The following RELL2 variants were observed in gnomAD, a reference collection of about 807,000 sequenced individuals.
RELL2 encodes the protein RELT-like protein 2.
A neutral mutation model predicts 27.5 loss-of-function variants in RELL2; 18 were observed. That is an observed-to-expected ratio of 0.65 (90% CI 0.45 to 0.97). The LOEUF is 0.97. Ranked by LOEUF, RELL2 falls within the 50% of genes least tolerant of loss-of-function variation. The probability of loss-of-function intolerance (pLI) is 0.00; values close to 1 mark genes in which losing one functional copy is unlikely to be tolerated. For synonymous variants in RELL2, 156 were observed against 147.5 expected (o/e 1.06, Z -0.42); for missense variants, 370 against 397.5 (o/e 0.93, Z 0.59).
rs765970520 is a variant in RELL2 at position 141,639,437 on chromosome 5, C to T, written c.318-27C>T. ...CATGAAGGGAAATGGAAATGTTACCCTCACTCCCCTCCTCCCTGCTGTCCA... is the reference window on the plus strand; with the variant it reads ...CATGAAGGGAAATGGAAATGTTACCTTCACTCCCCTCCTCCCTGCTGTCCA... On this transcript the variant is annotated intron_variant, in intron 3 of 6. Transcript: ENST00000297164. This position sits in a 1 kb window ranked among gnomAD's most constrained non-coding sequence, Gnocchi z 4.4. The T allele has an allele frequency of 6.4e-7, 1 of 1,561,938 alleles. No homozygotes were observed. Among genetic ancestry groups the T allele is most frequent in the South Asian group, 1.1e-5 (1 of 87,326 alleles).
In RELL2 at chr5:141,638,125, T is replaced by C. The variant is rs1455780157; in HGVS notation, c.-101T>C. ...CAGCCGGACGTCTTAGACGTGCTTG[T>C]TTCAGATCCTGAGGACGGCATTCCT... is the stretch of plus-strand genomic sequence containing the variant. On this transcript the variant is annotated 5_prime_UTR_variant, in exon 1 of 7. Transcript: ENST00000297164. 3.8e-5 allele frequency: 29 copies of C among 761,076 alleles called. No individual in the cohort carries two copies. In the East Asian group the frequency reaches 6.9e-4, roughly 18 times the overall value. The allele number at this position is 761,076 out of a possible 1,614,324, so 47.1% of individuals were successfully genotyped here.
At position 141,640,045 on chromosome 5, in the gene RELL2, G is replaced by C. The variant is rs1240873689; in HGVS notation, c.629G>C (p.Gly210Ala). The C allele has an allele frequency of 6.2e-7, 1 of 1,613,524 alleles. No individual in the cohort carries two copies. ...DPGGGQGSGG[G>A]QPKAGMPAME... ...GGGGGTGGTCAGGGGTCTGGGGGAG[G>C]GCAGCCCAAGGCAGGGATGCCTGCC... is the stretch of plus-strand genomic sequence containing the variant. The change falls in exon 5 of 7, where the codon GGG (glycine) becomes GCG (alanine). Residue 210 changes from glycine to alanine, a missense_variant. Transcript: ENST00000297164.
In RELL2 at chr5:141,640,051, C is replaced by A. The variant is rs2099906657; in HGVS notation, c.635C>A (p.Pro212His). 6.2e-7 allele frequency: 1 copy of A among 1,613,446 alleles called. No homozygotes were observed. The highest frequency in any genetic ancestry group is 2.2e-5 in the East Asian group (1 of 44,870). ...GGGQGSGGGQ[P>H]KAGMPAMERL... ...GGTCAGGGGTCTGGGGGAGGGCAGC[C>A]CAAGGCAGGGATGCCTGCCATGGAG... The change falls in exon 5 of 7, where the codon CCC (proline) becomes CAC (histidine). Residue 212 changes from proline (P) to histidine (H), a missense_variant. Pro to His is a moderately conservative substitution (Grantham distance 77, BLOSUM62 -2). Coordinates refer to ENST00000297164, the MANE Select transcript of RELL2 (RefSeq NM_173828.5).
In RELL2 at chr5:141,638,335, A is replaced by G. The variant is rs1234662904; in HGVS notation, c.110A>G (p.His37Arg). 1 of 1,613,926 alleles carries G rather than the reference A, an allele frequency of 6.2e-7. No homozygotes were observed. Among genetic ancestry groups the G allele is most frequent in the South Asian group, 1.1e-5 (1 of 91,068 alleles). The change falls in exon 1 of 7, where the codon CAC (histidine) becomes CGC (arginine). Residue 37 changes from histidine (H) to arginine (R), a missense_variant. Transcript: ENST00000297164. ...GGCCTGGTAGGCTTCATGATCTGCC[A>G]CGTGCTCAAGAAGAAGGGCTACCGC... ...LMGLVGFMIC[H>R]VLKKKGYRCR...
rs756888862 is a variant in RELL2, at chr5:141,638,811, G to C, written c.201G>C (p.Met67Ile). The C allele has an allele frequency of 6.2e-7, 1 of 1,614,164 alleles. No homozygotes were observed. ...AQLQPPEDDD[M>I]NEDTVERIVR... The stretch of plus-strand genomic sequence containing the variant: ...ATCCTTCAGCTGAGGACGATGACAT[G>C]AATGAGGACACAGTAGAGAGGATTG... The change falls in exon 2 of 7, where the codon ATG (methionine) becomes ATC (isoleucine). Residue 67 changes from methionine to isoleucine, a missense_variant. By Grantham distance (10) the Met-to-Ile change is conservative. Coordinates refer to ENST00000297164, the MANE Select transcript of RELL2 (RefSeq NM_173828.5).
rs41098 is a variant in RELL2, at chr5:141,640,533, C to A, written c.*1+88C>A. 351,960 of 1,601,820 alleles carry A rather than the reference C, an allele frequency of 0.22. 41,462 individuals are homozygous for A. Among genetic ancestry groups the A allele is most frequent in the African/African-American group, 0.4 (29,965 of 74,728 alleles). ...AAGCCTTTCGGCTCCCTGAACCCCC[C>A]GAGTAAACTGCAGGCTTAGCCTTTG... On this transcript the variant is annotated intron_variant, in intron 6 of 6. Coordinates refer to ENST00000297164, the MANE Select transcript of RELL2 (RefSeq NM_173828.5).
In RELL2 at chr5:141,638,155, C is replaced by A; in HGVS notation, c.-71C>A. On this transcript the variant is annotated 5_prime_UTR_variant, in exon 1 of 7. Transcript: ENST00000297164. ...GATCCTGAGGACGGCATTCCTACCC[C>A]TCCCCCATTCCCAGCTGCAGCCCCC... 1.0e-6 allele frequency: 1 copy of A among 953,428 alleles called. No individual in the cohort carries two copies. The highest frequency in any genetic ancestry group is 2.4e-5 in the East Asian group (1 of 41,706). The allele number at this position is 953,428 out of a possible 1,614,324, so 59.1% of individuals were successfully genotyped here. A position where few individuals can be genotyped will look rare whatever the true frequency, so the allele number is the denominator to read the frequency against.
chr5:141,639,239 C>T lies in RELL2; in HGVS notation c.317+218C>T, dbSNP rs921463703. 1.5e-5 allele frequency: 9 copies of T among 611,282 alleles called. No individual in the cohort carries two copies. The highest frequency in any genetic ancestry group is 2.3e-5 in the Non-Finnish European group (8 of 348,820). The allele number at this position is 611,282 out of a possible 1,614,324, so 37.9% of individuals were successfully genotyped here. A position where few individuals can be genotyped will look rare whatever the true frequency, so the allele number is the denominator to read the frequency against. ...AGCCTAACATTCACCTCTAGTGCCA[C>T]TCCTTTGGGTTAAGCAGTGTTCTTT... is the stretch of plus-strand genomic sequence containing the variant. On this transcript the variant is annotated intron_variant, in intron 3 of 6. Transcript: ENST00000297164. This position sits in a 1 kb window ranked among gnomAD's most constrained non-coding sequence, Gnocchi z 4.4.
intron 1 of RELL2, 79 bp downstream of exon 1, chr5:141,638,488 C>T: frequency 7.3e-7 from 1 of 1,374,422 alleles, no homozygotes; most frequent in East Asian, 2.3e-5. Context: ...ACCAACAGAC[C>T]CAGGCCAAAT....
In RELL2 at chr5:141,640,837, C is replaced by T; in HGVS notation, c.*168C>T. The T allele has an allele frequency of 3.1e-6, 2 of 640,296 alleles. No homozygotes were observed. The highest frequency in any genetic ancestry group is 1.8e-5 in the African/African-American group (1 of 54,654). The allele number at this position is 640,296 out of a possible 1,614,324, so 39.7% of individuals were successfully genotyped here. ...TGGGGGCCTCAGGAGAGGTCACAGCCCCTCAGTCTCTTCTCCTTCCCCTGC... is the reference window on the plus strand; with the variant it reads ...TGGGGGCCTCAGGAGAGGTCACAGCTCCTCAGTCTCTTCTCCTTCCCCTGC... On this transcript the variant is annotated 3_prime_UTR_variant, in exon 7 of 7. Coordinates refer to ENST00000297164, the MANE Select transcript of RELL2 (RefSeq NM_173828.5).
chr5:141,640,453 T>G lies in RELL2; in HGVS notation c.*1+8T>G. ...GAGCAGGGAGTATGTGAGGTGAGTC[T>G]GCCTGAGCCCTAAATGAGGTAATCT... On this transcript the variant is annotated splice_region_variant and intron_variant, in intron 6 of 6. Transcript: ENST00000297164. 2 of 1,614,184 alleles carry G rather than the reference T, an allele frequency of 1.2e-6. No individual in the cohort carries two copies. Among genetic ancestry groups the G allele is most frequent in the Non-Finnish European group, 1.7e-6 (2 of 1,180,010 alleles).
intron 6 of RELL2, 110 bp from the exon 7 acceptor site, chr5:141,640,561 A>G (rs2099906741): frequency 1.3e-6 from 2 of 1,569,588 alleles, no homozygotes; most frequent in Non-Finnish European, 8.7e-7. Context: ...AGCCTTTGCT[A>G]TAAATCCCTT....
rs958071851 is a variant in RELL2, at chr5:141,640,901, G to A, written c.*232G>A. ...CCTGCCCCGCCTTCCCCAACACCTC[G>A]CTCCATATGATAGAGCGTGGCAGCT... On this transcript the variant is annotated 3_prime_UTR_variant, in exon 7 of 7. Transcript: ENST00000297164. The A allele has an allele frequency of 3.8e-5, 22 of 579,346 alleles. No individual in the cohort carries two copies. The highest frequency in any genetic ancestry group is 1.1e-4 in the African/African-American group (6 of 53,524). The allele number at this position is 579,346 out of a possible 1,614,324, so 35.9% of individuals were successfully genotyped here.
chr5:141,639,205 A>T lies in RELL2; in HGVS notation c.317+184A>T. 2 of 625,668 alleles carry T rather than the reference A, an allele frequency of 3.2e-6. No individual in the cohort carries two copies. Among genetic ancestry groups the T allele is most frequent in the South Asian group, 2.0e-5 (1 of 50,654 alleles). The allele number at this position is 625,668 out of a possible 1,614,324, so 38.8% of individuals were successfully genotyped here. A position where few individuals can be genotyped will look rare whatever the true frequency, so the allele number is the denominator to read the frequency against. On this transcript the variant is annotated intron_variant, in intron 3 of 6. Coordinates refer to ENST00000297164, the MANE Select transcript of RELL2 (RefSeq NM_173828.5). The surrounding 1 kb of genome is among the most constrained non-coding windows in gnomAD (Gnocchi z 4.4). ...CCTTCAAACCATCTCTCTCATCTAG[A>T]TATCATCAAGCCTAACATTCACCTC... is the stretch of plus-strand genomic sequence containing the variant.
In RELL2 at chr5:141,639,738, C is replaced by T; in HGVS notation, c.503+89C>T. On this transcript the variant is annotated intron_variant, in intron 4 of 6. Coordinates refer to ENST00000297164, the MANE Select transcript of RELL2 (RefSeq NM_173828.5). The surrounding 1 kb of genome is among the most constrained non-coding windows in gnomAD (Gnocchi z 4.4). ...CCCAAAAGTGGGCCTTGGCTCTTTC[C>T]TCCTGGACTGGGAGCTCCGGCAGAA... 1 of 1,388,200 alleles carries T rather than the reference C, an allele frequency of 7.2e-7. No homozygotes were observed. The highest frequency in any genetic ancestry group is 9.9e-7 in the Non-Finnish European group (1 of 1,009,710). 86.0% of individuals were successfully genotyped at this position (1,388,200 alleles called of 1,614,324 possible).
chr5:141,638,892 C>A, intron 2 of RELL2, 32 bp downstream of exon 2: 1 of 1,612,894 alleles, frequency 6.2e-7, no homozygotes. Flanking sequence ...GCTCCCTCTT[C>A]TCCAACCTTC....
chr5:141,640,461 C>A lies in RELL2; in HGVS notation c.*1+16C>A. The A allele has an allele frequency of 6.2e-7, 1 of 1,614,056 alleles. No individual in the cohort carries two copies. The highest frequency in any genetic ancestry group is 8.5e-7 in the Non-Finnish European group (1 of 1,179,954). On this transcript the variant is annotated intron_variant, in intron 6 of 6. Transcript: ENST00000297164. ...AGTATGTGAGGTGAGTCTGCCTGAG[C>A]CCTAAATGAGGTAATCTCATCTTCC...
At position 141,639,052 on chromosome 5, in the gene RELL2, A is replaced by C. The variant is rs764534520; in HGVS notation, c.317+31A>C. 1.6e-5 allele frequency: 26 copies of C among 1,594,766 alleles called. No homozygotes were observed. The Admixed American group carries it at 3.4e-4, about 21-fold the overall frequency. ...CTGGAAACAAGGGCCAGCATGACTT[A>C]GCTTGCCTTGGAGAGTATCCTCTCC... On this transcript the variant is annotated intron_variant, in intron 3 of 6. Coordinates refer to ENST00000297164, the MANE Select transcript of RELL2 (RefSeq NM_173828.5). This position sits in a 1 kb window ranked among gnomAD's most constrained non-coding sequence, Gnocchi z 4.4.
chr5:141,640,414 GTC>G lies in RELL2; in HGVS notation c.886_887del (p.Leu296ThrfsTer89). The G allele has an allele frequency of 6.2e-7, 1 of 1,614,176 alleles. No individual in the cohort carries two copies. Among genetic ancestry groups the G allele is most frequent in the Non-Finnish European group, 8.5e-7 (1 of 1,180,020 alleles). On this transcript the variant is annotated frameshift_variant, in exon 6 of 7. Coordinates refer to ENST00000297164, the MANE Select transcript of RELL2 (RefSeq NM_173828.5). LOFTEE classifies it high-confidence loss of function. ...TTGACCCCTCCCCTTTCTCTCAGGT[GTC>G]TCTACCACAGGGAGCAGGGAGTATG... ...SKPDTSDHQV[S>X]LPQGAGSM
Sources: gnomAD v4.1 joint callset for allele counts on GRCh38, gnomAD v4.1.1 for gene constraint, Gnocchi (gnomAD v3.1) non-coding constraint, MANE v1.5 for transcripts, NCBI Gene and HGNC (gene_info 2026-07-23, HGNC 2026-07-21) for gene names.